ZNF804A: variants seen among roughly 807,000 people sequenced by gnomAD.
The protein encoded by ZNF804A is zinc finger protein 804A.
ZNF804A carries 2 observed loss-of-function variants against 16.5 expected under a neutral mutation model. The ratio of observed to expected loss-of-function variants is 0.12; its 90% CI spans 0.05 to 0.38. ZNF804A has a LOEUF of 0.38. ZNF804A is among the 10% of genes least tolerant of loss of function. The probability of loss-of-function intolerance (pLI) is 0.99; values close to 1 mark genes in which losing one functional copy is unlikely to be tolerated. For synonymous variants in ZNF804A, 534 were observed against 489.6 expected (o/e 1.09, Z -1.20); for missense variants, 1,473 against 1,390.7 (o/e 1.06, Z -0.94).
intron 1 of ZNF804A, among the ~76,000 whole-genome samples, chr2:184,732,464 G>T (rs1471343796): frequency 6.6e-6 from 1 of 152,030 alleles, no homozygotes; most frequent in African/African-American, 2.4e-5. Context: ...TTAAAGTTGG[G>T]TAATGTCAGT....
chr2:184,679,372 AG>A (rs1050354349), intron 1 of ZNF804A, among the ~76,000 whole-genome samples: 4 of 152,154 alleles, frequency 2.6e-5, no homozygotes, highest in African/African-American at 9.7e-5. Flanking sequence ...GTAAGTGGGG[AG>A]GCATGACCAG....
chr2:184,805,487 G>A (rs1249802532), intron 1 of ZNF804A, among the ~76,000 whole-genome samples: 1 of 151,888 alleles, frequency 6.6e-6, no homozygotes, highest in Non-Finnish European at 1.5e-5. Context: ...ACTTTAGTTG[G>A]GAATAGCAGG....
intron 2 of ZNF804A, among the ~76,000 whole-genome samples, chr2:184,907,053 A>G (rs972800444): frequency 2.6e-5 from 4 of 152,186 alleles, no homozygotes; most frequent in African/African-American, 9.7e-5. Flanking sequence ...CAACATGAGT[A>G]AGCTCAGAAA....
chr2:184,663,203 C>T (rs1692204829), intron 1 of ZNF804A, among the ~76,000 whole-genome samples: 1 of 152,180 alleles, frequency 6.6e-6, no homozygotes. Context: ...CTCTCTGGTG[C>T]CTGGGAAGCC....
chr2:184,780,159 A>C (rs888223076), intron 1 of ZNF804A, among the ~76,000 whole-genome samples: 1 of 151,788 alleles, frequency 6.6e-6, no homozygotes, highest in Non-Finnish European at 1.5e-5. Context: ...TGCCCAGTAA[A>C]ATGTTTCCAC....
In ZNF804A at chr2:184,938,319, C is replaced by G. The variant is rs769308705; in HGVS notation, c.2923C>G (p.Leu975Val). Reference sequence around the variant, plus strand: ...TAAATCCTATCTTTGCCATTATGAACTGGCTGAGGCCCTTCCACAAGGAAA... The same window carrying G: ...TAAATCCTATCTTTGCCATTATGAAGTGGCTGAGGCCCTTCCACAAGGAAA... ...QPKSYLCHYELAEALPQGKMN... is the reference protein window; with the variant it reads ...QPKSYLCHYEVAEALPQGKMN... The change falls in exon 4 of 4, where the codon CTG (leucine) becomes GTG (valine). Residue 975 changes from leucine (L) to valine (V), a missense_variant. Physicochemically the swap from Leu to Val is conservative, Grantham distance 32. Transcript: ENST00000302277. The G allele has an allele frequency of 6.2e-7, 1 of 1,614,168 alleles. No individual in the cohort carries two copies. The highest frequency in any genetic ancestry group is 1.1e-5 in the South Asian group (1 of 91,090).
At chr2:184,656,749 C>T (rs561274609) in intron 1 of ZNF804A, among the ~76,000 whole-genome samples, 261 of 150,380 alleles carry the variant, frequency 1.7e-3, no homozygotes, top group African/African-American at 5.8e-3. Context: ...CACACACACA[C>T]ATATATATAT....
At chr2:184,637,684 A>T (rs1304558917) in intron 1 of ZNF804A, among the ~76,000 whole-genome samples, 1 of 18,884 alleles carries the variant, frequency 5.3e-5, no homozygotes, top group Non-Finnish European at 1.4e-4. Flanking sequence ...TAATTTAGAA[A>T]ATAGCTTTTT....
At chr2:184,860,776 G>A (rs1406712089) in intron 1 of ZNF804A, among the ~76,000 whole-genome samples, 2 of 152,236 alleles carry the variant, frequency 1.3e-5, no homozygotes, top group African/African-American at 4.8e-5. Context: ...TGGGAGTTGA[G>A]TTTGTAGGTA....
chr2:184,677,109 T>C (rs1422822651), intron 1 of ZNF804A, among the ~76,000 whole-genome samples: 1 of 151,876 alleles, frequency 6.6e-6, no homozygotes, highest in Non-Finnish European at 1.5e-5. Context: ...GATATACTTG[T>C]TCTGATGATT....
Position 184,681,895 on chromosome 2 carries a change from G to A in ZNF804A, c.111+82825G>A, listed in dbSNP as rs558372774. On this transcript the variant is annotated intron_variant, in intron 1 of 3. Coordinates refer to ENST00000302277, the MANE Select transcript of ZNF804A (RefSeq NM_194250.2). ...CACAGGCTCCAAAGTGCCTGCTCTC[G>A]CTCCCTGGCCTCTACTCACTCCTGG... 1.6e-4 allele frequency among the ~76,000 whole-genome samples: 24 copies of A among 152,276 alleles called. No homozygotes were observed. In the South Asian group the frequency reaches 2.5e-3, roughly 16 times the overall value.
rs78714036 is a variant in ZNF804A, at chr2:184,855,332, T to A, written c.112-11037T>A. On this transcript the variant is annotated intron_variant, in intron 1 of 3. Transcript: ENST00000302277. The stretch of plus-strand genomic sequence containing the variant: ...AAAAAGGCATAAATCACCAAGGACA[T>A]CTTTTCCCATTGGTTTCACAAACCT... Among the ~76,000 whole-genome samples, 1,316 of 152,186 alleles carry A rather than the reference T, an allele frequency of 8.6e-3. 22 individuals are homozygous for A. Among genetic ancestry groups the A allele is most frequent in the African/African-American group, 0.03 (1,259 of 41,542 alleles).
intron 1 of ZNF804A, among the ~76,000 whole-genome samples, chr2:184,671,870 T>C (rs997281365): frequency 1.3e-5 from 2 of 152,204 alleles, no homozygotes; most frequent in African/African-American, 4.8e-5. Context: ...AGATTTACCA[T>C]AGTGTGTTAT....
At chr2:184,877,409 A>G (rs1235753453) in intron 2 of ZNF804A, among the ~76,000 whole-genome samples, 1 of 152,124 alleles carries the variant, frequency 6.6e-6, no homozygotes, top group Non-Finnish European at 1.5e-5. Flanking sequence ...TAATATTACC[A>G]TCATGTGGAG....
At chr2:184,677,426 T>G (rs1692456796) in intron 1 of ZNF804A, among the ~76,000 whole-genome samples, 2 of 151,944 alleles carry the variant, frequency 1.3e-5, no homozygotes, top group Admixed American at 6.6e-5. Flanking sequence ...GAAATGAGAT[T>G]ACCATGAGTG....
chr2:184,666,881 G>A (rs1290451390), intron 1 of ZNF804A, among the ~76,000 whole-genome samples: 1 of 151,952 alleles, frequency 6.6e-6, no homozygotes, highest in Non-Finnish European at 1.5e-5. Context: ...TAGAAAAATT[G>A]AATTGCAGAA....
In ZNF804A at chr2:184,937,938, T is replaced by A; in HGVS notation, c.2542T>A (p.Leu848Ile). The A allele has an allele frequency of 6.2e-7, 1 of 1,613,834 alleles. No homozygotes were observed. The highest frequency in any genetic ancestry group is 8.5e-7 in the Non-Finnish European group (1 of 1,179,956). The change falls in exon 4 of 4, where the codon TTA (leucine) becomes ATA (isoleucine). Residue 848 changes from leucine (L) to isoleucine (I), a missense_variant. Physicochemically the swap from Leu to Ile is conservative, Grantham distance 5. Transcript: ENST00000302277. ...DNSSLNPLDR[L>I]ISEDKKEKMK... ...TTCTTCCTTAAATCCTCTGGATAGG[T>A]TAATAAGTGAAGACAAAAAAGAGAA...
chr2:184,753,362 A>G (rs1693904694), intron 1 of ZNF804A, among the ~76,000 whole-genome samples: 1 of 151,694 alleles, frequency 6.6e-6, no homozygotes, highest in South Asian at 2.1e-4. Flanking sequence ...CATACATAAA[A>G]TCTGAAAAAC....
chr2:184,704,962 G>A (rs1692998829), intron 1 of ZNF804A, among the ~76,000 whole-genome samples: 1 of 152,158 alleles, frequency 6.6e-6, no homozygotes, highest in Non-Finnish European at 1.5e-5. Context: ...TAAACAATTT[G>A]AGAACAATTC....
Sources: allele counts gnomAD v4.1 joint callset (sites outside exome capture counted in the v4.1 genomes callset), GRCh38; gene constraint gnomAD v4.1.1; transcripts MANE v1.5; gene names NCBI Gene and HGNC (gene_info 2026-07-23, HGNC 2026-07-21).